Variants in PCDH11X observed in about 807,000 individuals in gnomAD.
PCDH11X encodes protocadherin-11 X-linked.
In PCDH11X, 18 loss-of-function variants were observed where a neutral mutation model predicts 53.3. The observed-to-expected ratio is 0.34, with a 90% confidence interval of 0.23 to 0.50. The LOEUF (loss-of-function observed/expected upper bound fraction) is 0.50, where lower values mean the gene tolerates loss of function less well. PCDH11X is among the 20% of genes least tolerant of loss of function. The probability of loss-of-function intolerance (pLI) is 0.98; values close to 1 mark genes in which losing one functional copy is unlikely to be tolerated. For missense variants in PCDH11X, 570 were observed against 1,032.4 expected, an observed-to-expected ratio of 0.55 and a Z score of 6.14; for synonymous variants, 279 against 393.3, an observed-to-expected ratio of 0.71 and a Z score of 3.44.
intron 6 of PCDH11X, among the ~76,000 whole-genome samples, chrX:92,088,395 A>G: frequency 9.0e-6 from 1 of 111,166 alleles, no homozygotes; most frequent in Non-Finnish European, 1.9e-5. Context: ...CTCTTTTTTA[A>G]TGCTTTGGTC....
intron 6 of PCDH11X, among the ~76,000 whole-genome samples, chrX:92,185,100 G>A (rs984715501): frequency 1.8e-5 from 2 of 109,573 alleles, no homozygotes; most frequent in African/African-American, 6.6e-5. Flanking sequence ...GATATAACTG[G>A]GGCTATTTCA....
intron 6 of PCDH11X, among the ~76,000 whole-genome samples, chrX:92,015,004 G>C (rs1333679918): frequency 9.0e-6 from 1 of 110,866 alleles, no homozygotes; most frequent in Non-Finnish European, 1.9e-5. Flanking sequence ...CCTGCATGTT[G>C]TGCACATGTA....
At chrX:91,849,644 A>G (rs1477649005) in intron 5 of PCDH11X, among the ~76,000 whole-genome samples, 12 of 110,930 alleles carry the variant, frequency 1.1e-4, no homozygotes, top group South Asian at 3.7e-4. Context: ...GATAGGGTTC[A>G]CTATATTTCA....
chrX:92,322,500 C>T (rs2069238775), intron 8 of PCDH11X, among the ~76,000 whole-genome samples: 1 of 111,084 alleles, frequency 9.0e-6, no homozygotes, highest in Admixed American at 9.6e-5. Context: ...CGTAGGGACT[C>T]GGGTATAGTC....
intron 6 of PCDH11X, among the ~76,000 whole-genome samples, chrX:91,951,868 G>C (rs989985767): frequency 9.0e-6 from 1 of 111,663 alleles, no homozygotes; most frequent in Admixed American, 9.6e-5. Flanking sequence ...GCTTCCAGTT[G>C]CTCTGTCAGG....
At chrX:92,557,796 T>C (rs1414156731) in intron 10 of PCDH11X, among the ~76,000 whole-genome samples, 1 of 110,741 alleles carries the variant, frequency 9.0e-6, no homozygotes, top group African/African-American at 3.3e-5. Context: ...ACAAATTTAC[T>C]GTATTAGTTT....
At chrX:92,459,587 A>C (rs1267450236) in intron 9 of PCDH11X, 1 of 479,193 alleles carries the variant, frequency 2.1e-6, no homozygotes, top group African/African-American at 2.5e-5. Context: ...AAATAACCAA[A>C]AACTTGAAAG....
intron 9 of PCDH11X, among the ~76,000 whole-genome samples, chrX:92,456,515 A>T (rs2072910861): frequency 9.0e-6 from 1 of 111,227 alleles, no homozygotes; most frequent in South Asian, 3.8e-4. Context: ...CTCTCCTTTT[A>T]CAAATACCAA....
intron 5 of PCDH11X, among the ~76,000 whole-genome samples, chrX:91,843,570 G>A (rs2524458): frequency 9.0e-6 from 1 of 110,647 alleles, no homozygotes; most frequent in Non-Finnish European, 1.9e-5. Flanking sequence ...CTCCTGCCTC[G>A]GCCTCCTGAA....
chrX:92,190,903 A>G (rs1193088154), intron 6 of PCDH11X, among the ~76,000 whole-genome samples: 1 of 111,733 alleles, frequency 8.9e-6, no homozygotes, highest in Non-Finnish European at 1.9e-5. Context: ...TCTAGTCTAA[A>G]GAGGACCTGA....
intron 1 of PCDH11X, among the ~76,000 whole-genome samples, chrX:91,802,811 A>G (rs1043681212): frequency 1.8e-5 from 2 of 111,791 alleles, no homozygotes; most frequent in African/African-American, 6.5e-5. Flanking sequence ...GAAAATCATA[A>G]TTATCAGTGG....
chrX:91,887,608 A>G (rs912629885), intron 6 of PCDH11X, among the ~76,000 whole-genome samples: 8 of 112,160 alleles, frequency 7.1e-5, no homozygotes, highest in Non-Finnish European at 1.3e-4. Flanking sequence ...GAAGAATTTT[A>G]AAATTATTTG....
At chrX:92,180,127 A>C (rs777303478) in intron 6 of PCDH11X, among the ~76,000 whole-genome samples, 2 of 112,072 alleles carry the variant, frequency 1.8e-5, no homozygotes, top group Non-Finnish European at 3.8e-5. Context: ...ATCATGGCAG[A>C]AGTTGAAGGG....
intron 6 of PCDH11X, among the ~76,000 whole-genome samples, chrX:92,007,345 C>T (rs1450168911): frequency 1.8e-5 from 2 of 111,776 alleles, no homozygotes; most frequent in African/African-American, 6.5e-5. Flanking sequence ...CCCACTCTTC[C>T]CCCCTCTTTC....
In PCDH11X at chrX:92,406,088, G is replaced by C. The variant is rs1335344630; in HGVS notation, c.3343+18155G>C. ...CACTCCAGCCTGGGCAACAGAGTGA[G>C]ACTCTGTCTCAAAAAAAAAAAAAAA... is the stretch of plus-strand genomic sequence containing the variant. On this transcript the variant is annotated intron_variant, in intron 9 of 10. Coordinates refer to ENST00000682573, the MANE Select transcript of PCDH11X (RefSeq NM_032968.5). Among the ~76,000 whole-genome samples the C allele has an allele frequency of 6.6e-5, 4 of 60,324 alleles. No homozygotes were observed. In the East Asian group the frequency reaches 2.4e-3, roughly 36 times the overall value. 52.4% of individuals were successfully genotyped at this position (60,324 alleles called of 115,157 possible). A position where few individuals can be genotyped will look rare whatever the true frequency, so the allele number is the denominator to read the frequency against.
chrX:92,383,181 C>T (rs2070923181), intron 8 of PCDH11X, among the ~76,000 whole-genome samples: 1 of 110,552 alleles, frequency 9.0e-6, no homozygotes, highest in South Asian at 3.8e-4. Context: ...GAGACAGAGA[C>T]TGTATCATAT....
In PCDH11X at chrX:92,251,801, C is replaced by T. The variant is rs1032360575; in HGVS notation, c.3115-11313C>T. Reference sequence around the variant, plus strand: ...TATCATCAATAAGGGTAGTTAATGCCGTGGATTTAGTGCCTCCTAAAGTTT... The same window carrying T: ...TATCATCAATAAGGGTAGTTAATGCTGTGGATTTAGTGCCTCCTAAAGTTT... On this transcript the variant is annotated intron_variant, in intron 7 of 10. Coordinates refer to ENST00000682573, the MANE Select transcript of PCDH11X (RefSeq NM_032968.5). Among the ~76,000 whole-genome samples the T allele has an allele frequency of 3.6e-5, 4 of 110,393 alleles. No homozygotes were observed. In the South Asian group the frequency reaches 1.2e-3, roughly 32 times the overall value.
At chrX:91,827,310 G>A (rs1405948247) in intron 4 of PCDH11X, among the ~76,000 whole-genome samples, 1 of 110,970 alleles carries the variant, frequency 9.0e-6, no homozygotes, top group African/African-American at 3.3e-5. Flanking sequence ...TCATGGGGTT[G>A]TTTTTTTCTT....
chrX:91,781,033 C>A (rs1467424703), intron 1 of PCDH11X, among the ~76,000 whole-genome samples: 1 of 112,257 alleles, frequency 8.9e-6, no homozygotes, highest in Non-Finnish European at 1.9e-5. Context: ...GAAGCGCTTA[C>A]GGGTGAGCCC....
Sources: allele counts gnomAD v4.1 joint callset (sites outside exome capture counted in the v4.1 genomes callset), GRCh38; gene constraint gnomAD v4.1.1; transcripts MANE v1.5; gene names NCBI Gene and HGNC (gene_info 2026-07-23, HGNC 2026-07-21).